The following SSR3 variants were observed in gnomAD, a reference collection of about 807,000 sequenced individuals.
The protein encoded by SSR3 is signal sequence receptor subunit 3.
A neutral mutation model predicts 22.1 loss-of-function variants in SSR3; 10 were observed. The observed-to-expected ratio is 0.45, with a 90% CI of 0.28 to 0.77. The LOEUF is 0.77. SSR3 is among the 30% of genes least tolerant of loss of function. The pLI, the probability that SSR3 is intolerant of heterozygous loss-of-function variation, is 0.13. For synonymous variants in SSR3, 104 were observed against 82.5 expected (o/e 1.26, Z -1.42); for missense variants, 181 against 220.5 (o/e 0.82, Z 1.13).
chr3:156,552,478 C>A (rs1372949209), intron 2 of SSR3, among the ~76,000 whole-genome samples: 2 of 152,022 alleles, frequency 1.3e-5, no homozygotes, highest in Non-Finnish European at 2.9e-5. Flanking sequence ...CATGGCAGGG[C>A]GGGCCCTAAA....
intron 3 of SSR3, among the ~76,000 whole-genome samples, chr3:156,547,478 G>A (rs548431183): frequency 1.8e-4 from 27 of 152,236 alleles, no homozygotes; most frequent in African/African-American, 6.3e-4. Flanking sequence ...AAACACCACT[G>A]TAATGAAAAA....
In SSR3 at chr3:156,543,038, T is replaced by C. The variant is rs1284311771; in HGVS notation, c.*165A>G. The C allele has an allele frequency of 4.0e-6, 2 of 500,330 alleles. No homozygotes were observed. Among genetic ancestry groups the C allele is most frequent in the African/African-American group, 3.8e-5 (2 of 52,298 alleles). 31.0% of individuals were successfully genotyped at this position (500,330 alleles called of 1,614,324 possible). A position where few individuals can be genotyped will look rare whatever the true frequency, so the allele number is the denominator to read the frequency against. ...CAATTCATTTAATTTCAACAATCTG[T>C]CAAAAAACAGCCAATAAACAAATAC... On this transcript the variant is annotated 3_prime_UTR_variant, in exon 5 of 5. Transcript: ENST00000265044.
chr3:156,550,203 A>G (rs1719899556), intron 2 of SSR3, among the ~76,000 whole-genome samples: 1 of 152,248 alleles, frequency 6.6e-6, no homozygotes, highest in Admixed American at 6.5e-5. Flanking sequence ...ACCAACTGAA[A>G]AGAAATGGAC....
chr3:156,554,327 A>G (rs1454606206), intron 1 of SSR3, among the ~76,000 whole-genome samples: 2 of 152,234 alleles, frequency 1.3e-5, no homozygotes, highest in Non-Finnish European at 2.9e-5. Context: ...AGTTCTGGAA[A>G]CTTGAGCTCT....
chr3:156,552,856 C>T (rs1018332276), intron 2 of SSR3, among the ~76,000 whole-genome samples: 2 of 152,120 alleles, frequency 1.3e-5, no homozygotes, highest in African/African-American at 4.8e-5. Flanking sequence ...TGCATTTTAA[C>T]CTCTATGAAA....
At position 156,542,600 on chromosome 3, in the gene SSR3, G is replaced by A. The variant is rs1719600697; in HGVS notation, c.*603C>T. ...TCATATGCCTGGGCACTATTTTTAG[G>A]TTACTACCTTGGCTGCCCTTCTTTA... is the stretch of plus-strand genomic sequence containing the variant. On this transcript the variant is annotated 3_prime_UTR_variant, in exon 5 of 5. Transcript: ENST00000265044. The A allele has an allele frequency of 6.6e-6, 1 of 150,890 alleles. No individual in the cohort carries two copies. Among genetic ancestry groups the A allele is most frequent in the South Asian group, 2.1e-4 (1 of 4,780 alleles). 9.3% of individuals were successfully genotyped at this position (150,890 alleles called of 1,614,324 possible).
At chr3:156,543,967 C>T (rs1719663567) in intron 4 of SSR3, 1 of 274,348 alleles carries the variant, frequency 3.6e-6, no homozygotes. Flanking sequence ...ACCCCCAGAG[C>T]CCAAAAATAA....
rs746963781 is a variant in SSR3 at position 156,548,830 on chromosome 3, C to A, written c.359+75G>T. The stretch of plus-strand genomic sequence containing the variant: ...CTCAGACAATTCCAAAATCCAAATT[C>A]TTTAAGCAAAAATCAAAAAATTCTC... On this transcript the variant is annotated intron_variant, in intron 3 of 4. Transcript: ENST00000265044. The A allele has an allele frequency of 4.5e-6, 7 of 1,563,950 alleles. No homozygotes were observed. The East Asian group carries it at 1.6e-4, about 35-fold the overall frequency.
At position 156,553,787 on chromosome 3, in the gene SSR3, T is replaced by A; in HGVS notation, c.134-6A>T. The A allele has an allele frequency of 6.3e-7, 1 of 1,586,120 alleles. No homozygotes were observed. Among genetic ancestry groups the A allele is most frequent in the Non-Finnish European group, 8.6e-7 (1 of 1,168,952 alleles). On this transcript the variant is annotated splice_polypyrimidine_tract_variant and splice_region_variant and intron_variant, in intron 1 of 4. Transcript: ENST00000265044. ...CCATATTCGCCAGTATAACCCTGAA[T>A]TAAAATAAAAGGGGGAAGGGTACAA... is the stretch of plus-strand genomic sequence containing the variant.
chr3:156,544,171 ATC>A, intron 4 of SSR3, 135 bp downstream of exon 4: 1 of 608,474 alleles, frequency 1.6e-6, no homozygotes. Flanking sequence ...CCAGAAAGTT[ATC>A]TAAAGTCAGC....
intron 3 of SSR3, among the ~76,000 whole-genome samples, chr3:156,546,097 C>T (rs922470216): frequency 2.0e-5 from 3 of 152,216 alleles, no homozygotes; most frequent in Non-Finnish European, 4.4e-5. Context: ...TGTGTCCCCA[C>T]CCAAATCTCA....
At chr3:156,547,067 G>A (rs1244629706) in intron 3 of SSR3, among the ~76,000 whole-genome samples, 1 of 152,094 alleles carries the variant, frequency 6.6e-6, no homozygotes, top group Non-Finnish European at 1.5e-5. Flanking sequence ...AATCAATACA[G>A]TACAAACTGT....
chr3:156,542,989 T>A lies in SSR3; in HGVS notation c.*214A>T. On this transcript the variant is annotated 3_prime_UTR_variant, in exon 5 of 5. Transcript: ENST00000265044. Reference sequence around the variant, plus strand: ...GACATTTTTTTCCTTTTAATAAACGTCCTAGTACTCTGAGTTTCCCTTTCA... The same window carrying A: ...GACATTTTTTTCCTTTTAATAAACGACCTAGTACTCTGAGTTTCCCTTTCA... 1 of 478,270 alleles carries A rather than the reference T, an allele frequency of 2.1e-6. No individual in the cohort carries two copies. The highest frequency in any genetic ancestry group is 3.0e-5 in the East Asian group (1 of 33,714). 29.6% of individuals were successfully genotyped at this position (478,270 alleles called of 1,614,324 possible). A position where few individuals can be genotyped will look rare whatever the true frequency, so the allele number is the denominator to read the frequency against.
intron 2 of SSR3, among the ~76,000 whole-genome samples, chr3:156,552,468 C>T (rs1227116653): frequency 6.6e-6 from 1 of 152,158 alleles, no homozygotes; most frequent in Non-Finnish European, 1.5e-5. Flanking sequence ...TCATACAGTG[C>T]ATGGCAGGGC....
intron 1 of SSR3, 111 bp from the exon 2 acceptor site, chr3:156,553,892 T>TA: frequency 9.2e-7 from 1 of 1,092,078 alleles, no homozygotes; most frequent in Non-Finnish European, 1.3e-6. Flanking sequence ...ACCAGGTTAT[T>TA]AGTTATGCAA....
intron 2 of SSR3, among the ~76,000 whole-genome samples, chr3:156,549,462 A>G (rs1201085628): frequency 3.3e-5 from 5 of 152,208 alleles, no homozygotes; most frequent in Admixed American, 2.6e-4. Flanking sequence ...AACAGCTGTA[A>G]TATCTTAAAG....
chr3:156,543,411 A>G (rs745418407), intron 4 of SSR3, 142 bp from the exon 5 acceptor site: 34 of 562,400 alleles, frequency 6.0e-5, no homozygotes, highest in Middle Eastern at 3.3e-4. Context: ...CATTGTCTGC[A>G]AACACAATTT....
In SSR3 at chr3:156,544,412, A is replaced by T; in HGVS notation, c.387T>A (p.Ala129=). ...TGGAAAATGTTGTAGCTTCATAATCAGCAACTTCATTCTTCTTCCACAAGA... is the reference window on the plus strand; with the variant it reads ...TGGAAAATGTTGTAGCTTCATAATCTGCAACTTCATTCTTCTTCCACAAGA... The part of the protein sequence containing the change: ...ERILWKKNEV[A]DYEATTFSIF... The change falls in exon 4 of 5, where the codon GCT becomes GCA. Residue 129 remains alanine (A), a synonymous_variant. Transcript: ENST00000265044. The T allele has an allele frequency of 1.9e-6, 3 of 1,588,782 alleles. No homozygotes were observed. The highest frequency in any genetic ancestry group is 2.6e-6 in the Non-Finnish European group (3 of 1,168,228).
rs2108443305 is a variant in SSR3, at chr3:156,540,857, CTG to C, written c.*2344_*2345del. The C allele has an allele frequency of 1.3e-5, 2 of 152,228 alleles. No homozygotes were observed. Among genetic ancestry groups the C allele is most frequent in the East Asian group, 3.9e-4 (2 of 5,166 alleles). 9.4% of individuals were successfully genotyped at this position (152,228 alleles called of 1,614,324 possible). ...AAGTCAGATTGAGTAGGTCGCATCT[CTG>C]TGTGCCACACAGAACTTTTAGACAA... On this transcript the variant is annotated 3_prime_UTR_variant, in exon 5 of 5. Transcript: ENST00000265044.
Sources: gnomAD v4.1 joint callset for allele counts (sites outside exome capture counted in the v4.1 genomes callset) on GRCh38, gnomAD v4.1.1 for gene constraint, MANE v1.5 for transcripts, NCBI Gene and HGNC (gene_info 2026-07-23, HGNC 2026-07-21) for gene names.